The following SRBD1 variants were observed in gnomAD, a reference collection of about 807,000 sequenced individuals.
The protein encoded by SRBD1 is S1 RNA-binding domain-containing protein 1.
Under a neutral mutation model 115.3 loss-of-function variants are expected in SRBD1, and 88 were observed. The ratio of observed to expected loss-of-function variants is 0.76; its 90% confidence interval spans 0.64 to 0.91. The LOEUF is 0.91. Ranked by LOEUF, SRBD1 falls within the 40% of genes least tolerant of loss-of-function variation. The pLI, the probability that SRBD1 is intolerant of heterozygous loss-of-function variation, is 0.00. For synonymous variants in SRBD1, 509 were observed against 407.7 expected, an observed-to-expected ratio of 1.25 and a Z score of -2.99; for missense variants, 1,385 against 1,177.4, an observed-to-expected ratio of 1.18 and a Z score of -2.58.
At chr2:45,597,250 C>T (rs982738751) in intron 4 of SRBD1, among the ~76,000 whole-genome samples, 2 of 152,040 alleles carry the variant, frequency 1.3e-5, no homozygotes, top group African/African-American at 4.8e-5. Context: ...GAAACCGTGT[C>T]TCTACTAAAA....
intron 7 of SRBD1, among the ~76,000 whole-genome samples, chr2:45,579,384 T>C (rs1340728234): frequency 6.6e-6 from 1 of 152,180 alleles, no homozygotes; most frequent in African/African-American, 2.4e-5. Context: ...TTTATGACTT[T>C]TGCAAGTAAA....
intron 14 of SRBD1, among the ~76,000 whole-genome samples, chr2:45,536,716 T>A (rs1253698002): frequency 6.6e-6 from 1 of 152,170 alleles, no homozygotes; most frequent in Admixed American, 6.5e-5. Flanking sequence ...AGCTTACATA[T>A]CCCAATGTGT....
In SRBD1 at chr2:45,422,519, A is replaced by G. The variant is rs117252130; in HGVS notation, c.2050-2625T>C. 1.8e-3 allele frequency among the ~76,000 whole-genome samples: 278 copies of G among 152,364 alleles called. 4 individuals carry two copies. The East Asian group carries it at 0.02, about 11-fold the overall frequency. On this transcript the variant is annotated intron_variant, in intron 16 of 20. Coordinates refer to ENST00000263736, the MANE Select transcript of SRBD1 (RefSeq NM_018079.5). ...AGGAATAGAATAAACCACATACAGC[A>G]TATTGTATATACCCTTAACATCGAA...
intron 14 of SRBD1, among the ~76,000 whole-genome samples, chr2:45,545,007 G>A (rs1343175445): frequency 1.3e-5 from 2 of 152,028 alleles, no homozygotes; most frequent in Admixed American, 6.6e-5. Context: ...GAGGCCGGGC[G>A]CGGTGGCTCA....
At chr2:45,486,718 G>A (rs1228709658) in intron 15 of SRBD1, among the ~76,000 whole-genome samples, 1 of 150,988 alleles carries the variant, frequency 6.6e-6, no homozygotes, top group South Asian at 2.1e-4. Flanking sequence ...GGGTGACAGC[G>A]AGACCCCATC....
chr2:45,445,904 T>A (rs1025059801), intron 16 of SRBD1, among the ~76,000 whole-genome samples: 1 of 152,192 alleles, frequency 6.6e-6, no homozygotes, highest in African/African-American at 2.4e-5. Context: ...TCCTCTATGA[T>A]GTACCTGCTA....
chr2:45,402,790 T>C (rs1274288097), intron 19 of SRBD1, among the ~76,000 whole-genome samples: 3 of 152,172 alleles, frequency 2.0e-5, no homozygotes, highest in African/African-American at 7.2e-5. Context: ...CAGGTCTCAC[T>C]GTGGCACATA....
chr2:45,588,788 G>T (rs1230268960), intron 4 of SRBD1, among the ~76,000 whole-genome samples: 1 of 152,208 alleles, frequency 6.6e-6, no homozygotes, highest in Non-Finnish European at 1.5e-5. Flanking sequence ...CAAAGTTGTA[G>T]CCATTTTATT....
At chr2:45,471,864 C>T (rs1669659306) in intron 16 of SRBD1, among the ~76,000 whole-genome samples, 1 of 151,902 alleles carries the variant, frequency 6.6e-6, no homozygotes, top group African/African-American at 2.4e-5. Flanking sequence ...AAAACAAAAC[C>T]TTAATAATAT....
At chr2:45,567,048 G>A (rs1672851064) in intron 9 of SRBD1, among the ~76,000 whole-genome samples, 1 of 152,054 alleles carries the variant, frequency 6.6e-6, no homozygotes, top group Admixed American at 6.5e-5. Context: ...GGTGAAACAA[G>A]CTTAGAATAA....
intron 1 of SRBD1, among the ~76,000 whole-genome samples, chr2:45,607,639 T>A (rs1004239493): frequency 6.6e-6 from 1 of 151,626 alleles, no homozygotes; most frequent in Admixed American, 6.6e-5. Flanking sequence ...AAAAAAAAAA[T>A]TCATATGAAG....
At chr2:45,410,951 C>T (rs558718615) in intron 19 of SRBD1, among the ~76,000 whole-genome samples, 13 of 152,124 alleles carry the variant, frequency 8.5e-5, no homozygotes, top group African/African-American at 3.1e-4. Context: ...CATCTGTATC[C>T]TTTGTAATAT....
chr2:45,463,155 G>A (rs577921622), intron 16 of SRBD1, among the ~76,000 whole-genome samples: 2 of 152,050 alleles, frequency 1.3e-5, no homozygotes, highest in African/African-American at 2.4e-5. Context: ...AGATTGGACG[G>A]AGAACTTTGC....
intron 12 of SRBD1, 41 bp from the exon 13 acceptor site, chr2:45,547,653 A>G: frequency 3.3e-6 from 5 of 1,496,274 alleles, no homozygotes; most frequent in Non-Finnish European, 4.6e-6. Context: ...ATAAGAAATT[A>G]CAAAGTGAAA....
At chr2:45,501,469 C>T (rs984691209) in intron 14 of SRBD1, among the ~76,000 whole-genome samples, 12 of 152,042 alleles carry the variant, frequency 7.9e-5, no homozygotes, top group East Asian at 1.9e-4. Context: ...GCCCACCAAG[C>T]GTGAGGTGAA....
At chr2:45,454,788 T>A (rs1192714064) in intron 16 of SRBD1, among the ~76,000 whole-genome samples, 1 of 151,976 alleles carries the variant, frequency 6.6e-6, no homozygotes, top group South Asian at 2.1e-4. Context: ...ATTATGAACA[T>A]TGTTATATCT....
chr2:45,396,911 A>G (rs1258909230), intron 19 of SRBD1, among the ~76,000 whole-genome samples: 1 of 152,182 alleles, frequency 6.6e-6, no homozygotes, highest in Non-Finnish European at 1.5e-5. Flanking sequence ...ACAACTTAAT[A>G]TTAGTACGTG....
chr2:45,562,479 C>A (rs1010239442), intron 10 of SRBD1, among the ~76,000 whole-genome samples, 174 bp downstream of exon 10: 3 of 152,142 alleles, frequency 2.0e-5, no homozygotes, highest in Admixed American at 6.5e-5. Flanking sequence ...CGATCCACCC[C>A]CCTCAGCCTC....
At chr2:45,537,960 A>C (rs932987518) in intron 14 of SRBD1, among the ~76,000 whole-genome samples, 1 of 152,240 alleles carries the variant, frequency 6.6e-6, no homozygotes, top group African/African-American at 2.4e-5. Context: ...AGCTGTGCTA[A>C]GGATAAGCTG....
Sources: gnomAD v4.1 joint callset for allele counts (sites outside exome capture counted in the v4.1 genomes callset) on GRCh38, gnomAD v4.1.1 for gene constraint, MANE v1.5 for transcripts, NCBI Gene and HGNC (gene_info 2026-07-23, HGNC 2026-07-21) for gene names.